Variants in LTBP1 observed in about 807,000 individuals in gnomAD.
LTBP1 encodes the protein latent transforming growth factor beta binding protein 1, also known as latent-transforming growth factor beta-binding protein 1.
Under a neutral mutation model 207.6 loss-of-function variants are expected in LTBP1, and 129 were observed. The observed-to-expected ratio is 0.62, with a 90% CI of 0.54 to 0.72. The LOEUF (loss-of-function observed/expected upper bound fraction) is 0.72. Ranked by LOEUF, LTBP1 falls within the 30% of genes least tolerant of loss-of-function variation. The probability of loss-of-function intolerance (pLI) is 0.00; values close to 1 mark genes in which losing one functional copy is unlikely to be tolerated. For missense variants in LTBP1, 2,281 were observed against 2,217.2 expected, an observed-to-expected ratio of 1.03 and a Z score of -0.58; for synonymous variants, 963 against 833.7, an observed-to-expected ratio of 1.16 and a Z score of -2.67.
chr2:33,351,835 C>G (rs1296905891), intron 26 of LTBP1, among the ~76,000 whole-genome samples: 1 of 152,196 alleles, frequency 6.6e-6, no homozygotes. Context: ...TTCTCAGGTT[C>G]TTCTTCTCCT....
chr2:33,216,815 C>A (rs2149359452), intron 7 of LTBP1, among the ~76,000 whole-genome samples: 1 of 152,296 alleles, frequency 6.6e-6, no homozygotes, highest in Admixed American at 6.5e-5. Context: ...AGGCCCCTGC[C>A]TCTCAGCTTT....
At chr2:33,254,121 G>A (rs1302910818) in intron 11 of LTBP1, among the ~76,000 whole-genome samples, 1 of 151,524 alleles carries the variant, frequency 6.6e-6, no homozygotes, top group African/African-American at 2.4e-5. Flanking sequence ...TGACCTCGTG[G>A]TCTGCCGGCC....
At chr2:33,028,895 T>C (rs993022197) in intron 3 of LTBP1, among the ~76,000 whole-genome samples, 1 of 152,312 alleles carries the variant, frequency 6.6e-6, no homozygotes, top group Middle Eastern at 3.4e-3. Flanking sequence ...GCAGCCAGCC[T>C]CTTGGGAAAA....
intron 3 of LTBP1, among the ~76,000 whole-genome samples, chr2:33,026,443 C>T (rs1331066430): frequency 6.6e-6 from 1 of 152,168 alleles, no homozygotes; most frequent in Non-Finnish European, 1.5e-5. Context: ...TTAATAATGT[C>T]TAAATCCTTG....
intron 7 of LTBP1, among the ~76,000 whole-genome samples, chr2:33,205,561 A>G (rs1219701469): frequency 6.6e-6 from 1 of 152,192 alleles, no homozygotes; most frequent in Non-Finnish European, 1.5e-5. Flanking sequence ...CCATCATGTT[A>G]CTGCCATGTT....
intron 18 of LTBP1, among the ~76,000 whole-genome samples, chr2:33,279,520 T>C (rs1185532959): frequency 2.0e-5 from 3 of 152,182 alleles, no homozygotes; most frequent in African/African-American, 7.2e-5. Flanking sequence ...TGTTTTTTTT[T>C]TTTTCCACCT....
intron 4 of LTBP1, among the ~76,000 whole-genome samples, chr2:33,120,420 C>A (rs1456490902): frequency 2.0e-5 from 3 of 152,150 alleles, no homozygotes; most frequent in African/African-American, 7.2e-5. Flanking sequence ...CTCCCACTTA[C>A]AAGTGTGAGA....
At chr2:33,361,848 T>C (rs2094930799) in intron 28 of LTBP1, among the ~76,000 whole-genome samples, 1 of 152,170 alleles carries the variant, frequency 6.6e-6, no homozygotes, top group Non-Finnish European at 1.5e-5. Flanking sequence ...TTACTAAATA[T>C]TTTATTCTAG....
chr2:33,069,596 A>G (rs1481285681), intron 3 of LTBP1, among the ~76,000 whole-genome samples: 1 of 152,198 alleles, frequency 6.6e-6, no homozygotes, highest in Non-Finnish European at 1.5e-5. Context: ...GGAAGTTGTC[A>G]GTCAAGATTA....
intron 3 of LTBP1, among the ~76,000 whole-genome samples, chr2:33,037,702 C>A (rs1415005737): frequency 1.3e-5 from 2 of 151,914 alleles, no homozygotes; most frequent in Non-Finnish European, 2.9e-5. Context: ...TCTAGAATTC[C>A]TGAAGATATA....
rs112095483 is a variant in LTBP1, at chr2:32,969,315, C to T, written c.565+20370C>T. ...TATTTTCATTTCAGGGGCACATGTG[C>T]AGGTTTGTTATATAGGTAAATTGTG... On this transcript the variant is annotated intron_variant, in intron 2 of 33. Coordinates refer to ENST00000404816, the MANE Select transcript of LTBP1 (RefSeq NM_206943.4). Among the ~76,000 whole-genome samples, 244 of 143,128 alleles carry T rather than the reference C, an allele frequency of 1.7e-3. 2 individuals are homozygous for T. Among genetic ancestry groups the T allele is most frequent in the African/African-American group, 5.9e-3 (232 of 39,474 alleles). 93.9% of individuals were successfully genotyped at this position (143,128 alleles called of 152,430 possible).
rs1401842898 is a variant in LTBP1 at position 33,132,373 on chromosome 2, T to G, written c.1034-2420T>G. ...TCCCAGATAACTTTAAAATGTCCTG[T>G]AAGCATTTAAAGGAGGGGTTACTGA... On this transcript the variant is annotated intron_variant, in intron 4 of 33. Transcript: ENST00000404816. Among the ~76,000 whole-genome samples the G allele has an allele frequency of 1.3e-5, 2 of 152,198 alleles. 1 individual carries two copies. The highest frequency in any genetic ancestry group is 4.8e-5 in the African/African-American group (2 of 41,454).
Position 33,374,870 on chromosome 2 carries a change from TGAACCCGG to T in LTBP1, c.4711+9370_4711+9377del, listed in dbSNP as rs536111191. Among the ~76,000 whole-genome samples the T allele has an allele frequency of 2.4e-4, 37 of 152,290 alleles. No homozygotes were observed. In the East Asian group the frequency reaches 5.4e-3, roughly 22 times the overall value. On this transcript the variant is annotated intron_variant, in intron 31 of 33. Transcript: ENST00000404816. ...TGGAGGCTGAGGCAGAAGAATCGCT[TGAACCCGG>T]GAGGTGGCTGTTGCAGTGAGCCAAG...
At chr2:33,318,308 A>G (rs2149295331) in intron 24 of LTBP1, among the ~76,000 whole-genome samples, 1 of 152,272 alleles carries the variant, frequency 6.6e-6, no homozygotes, top group East Asian at 1.9e-4. Flanking sequence ...GTTCAAGTGA[A>G]GTGGGAAGTA....
chr2:33,273,890 A>T (rs2093370906), intron 16 of LTBP1, 109 bp downstream of exon 16: 2 of 1,020,500 alleles, frequency 2.0e-6, no homozygotes, highest in East Asian at 6.3e-5. Flanking sequence ...TACTGGTTTA[A>T]TTTTTTGAAA....
chr2:32,947,287 G>A lies in LTBP1; in HGVS notation c.-38G>A, dbSNP rs1433020611. ...AGCCGCACGGCCGGGGGAGGGGGCC[G>A]GACCGCGCGCGACCGGTCGCGCCCG... On this transcript the variant is annotated 5_prime_UTR_variant, in exon 1 of 34. Transcript: ENST00000404816. The A allele has an allele frequency of 8.2e-7, 1 of 1,212,274 alleles. No homozygotes were observed. Among genetic ancestry groups the A allele is most frequent in the East Asian group, 3.4e-5 (1 of 29,548 alleles). 75.1% of individuals were successfully genotyped at this position (1,212,274 alleles called of 1,614,324 possible).
chr2:33,027,133 G>A lies in LTBP1; in HGVS notation c.863+5927G>A, dbSNP rs187419287. Among the ~76,000 whole-genome samples the A allele has an allele frequency of 1.6e-4, 25 of 152,294 alleles. No homozygotes were observed. The East Asian group carries it at 4.6e-3, about 28-fold the overall frequency. ...CACCAATGCTTACCACATCATGTGA[G>A]TGTACCACAATTCATTATTTATTCT... is the stretch of plus-strand genomic sequence containing the variant. On this transcript the variant is annotated intron_variant, in intron 3 of 33. Transcript: ENST00000404816.
At chr2:32,986,019 T>C (rs560925784) in intron 2 of LTBP1, among the ~76,000 whole-genome samples, 20 of 152,286 alleles carry the variant, frequency 1.3e-4, no homozygotes, top group African/African-American at 4.6e-4. Context: ...CAATTGCAAG[T>C]ACAAAAAATG....
Position 33,398,378 on chromosome 2 carries a change from G to C in LTBP1, c.4999G>C (p.Asp1667His). 1 of 1,613,666 alleles carries C rather than the reference G, an allele frequency of 6.2e-7. No individual in the cohort carries two copies. The highest frequency in any genetic ancestry group is 1.7e-5 in the Admixed American group (1 of 59,968). ...KMTCVDVNEC[D>H]ELNNRMSLCK... ...ACTTATTGCAGATGTAAATGAATGCGATGAGTTGAACAACCGGATGTCTCT... is the reference window on the plus strand; with the variant it reads ...ACTTATTGCAGATGTAAATGAATGCCATGAGTTGAACAACCGGATGTCTCT... The change falls in exon 34 of 34, where the codon GAT (aspartate) becomes CAT (histidine). Residue 1667 changes from aspartate (D) to histidine (H), a missense_variant. Asp to His is a moderately conservative substitution (Grantham distance 81). Coordinates refer to ENST00000404816, the MANE Select transcript of LTBP1 (RefSeq NM_206943.4).
Sources: gnomAD v4.1 joint callset for allele counts (sites outside exome capture counted in the v4.1 genomes callset) on GRCh38, gnomAD v4.1.1 for gene constraint, MANE v1.5 for transcripts, NCBI Gene and HGNC (gene_info 2026-07-23, HGNC 2026-07-21) for gene names.